THRB: variants seen among roughly 807,000 people sequenced by gnomAD.
The protein encoded by THRB is thyroid hormone receptor beta, also known as nuclear receptor subfamily 1 group A member 2.
In THRB, 12 loss-of-function variants were observed where a neutral mutation model predicts 47.8. That is an observed-to-expected ratio of 0.25 (90% CI 0.16 to 0.41). The LOEUF is 0.41. Among genes scored for constraint, THRB ranks in the 10% least tolerant of loss-of-function variants. The pLI, the probability that THRB is intolerant of heterozygous loss-of-function variation, is 1.00. For synonymous variants in THRB, 218 were observed against 212.2 expected, an observed-to-expected ratio of 1.03 and a Z score of -0.24; for missense variants, 348 against 589.2, an observed-to-expected ratio of 0.59 and a Z score of 4.24.
intron 1 of THRB, among the ~76,000 whole-genome samples, chr3:24,405,170 C>T (rs1451688954): frequency 1.3e-5 from 2 of 151,960 alleles, no homozygotes; most frequent in Non-Finnish European, 2.9e-5. Flanking sequence ...CATCCTGTTT[C>T]TCAACAAGCC....
chr3:24,288,647 C>A (rs1431812917), intron 3 of THRB, among the ~76,000 whole-genome samples: 1 of 152,178 alleles, frequency 6.6e-6, no homozygotes, highest in South Asian at 2.1e-4. Context: ...TATAAGCAAG[C>A]CTGTGATTGA....
chr3:24,240,497 T>A (rs142419990), intron 3 of THRB, among the ~76,000 whole-genome samples: 1 of 152,352 alleles, frequency 6.6e-6, no homozygotes, highest in African/African-American at 2.4e-5. Context: ...GGCTAGATAC[T>A]GAACACTTCA....
intron 4 of THRB, among the ~76,000 whole-genome samples, chr3:24,227,247 C>T (rs114429408): frequency 9.1e-4 from 139 of 152,300 alleles, no homozygotes; most frequent in African/African-American, 2.7e-3. Context: ...TGCAGCGTGG[C>T]TACCTGCTGT....
intron 6 of THRB, among the ~76,000 whole-genome samples, chr3:24,148,128 TA>T (rs1215035815): frequency 1.3e-5 from 2 of 152,120 alleles, no homozygotes; most frequent in South Asian, 2.1e-4. Flanking sequence ...TGTAAGAAAT[TA>T]AAAAAAATTT....
intron 5 of THRB, among the ~76,000 whole-genome samples, chr3:24,162,166 A>G (rs2038954827): frequency 6.6e-6 from 1 of 151,262 alleles, no homozygotes; most frequent in South Asian, 2.1e-4. Flanking sequence ...TCCACCCACA[A>G]AAGGATTTTT....
intron 3 of THRB, among the ~76,000 whole-genome samples, chr3:24,296,338 C>A (rs1476857673): frequency 2.0e-5 from 3 of 152,220 alleles, no homozygotes; most frequent in African/African-American, 7.2e-5. Flanking sequence ...GTTGATGTGG[C>A]TTCCTATTTT....
chr3:24,244,884 C>T (rs2049950670), intron 3 of THRB, among the ~76,000 whole-genome samples: 1 of 152,206 alleles, frequency 6.6e-6, no homozygotes, highest in African/African-American at 2.4e-5. Flanking sequence ...ACCATTCTCC[C>T]TCTTCTGGGA....
intron 2 of THRB, among the ~76,000 whole-genome samples, chr3:24,324,215 A>G (rs2058666530): frequency 6.6e-6 from 1 of 152,154 alleles, no homozygotes; most frequent in Non-Finnish European, 1.5e-5. Flanking sequence ...GGTCATAGAA[A>G]GAAGTCACTT....
At chr3:24,182,621 T>A (rs757945795) in intron 5 of THRB, among the ~76,000 whole-genome samples, 9 of 152,164 alleles carry the variant, frequency 5.9e-5, no homozygotes, top group Non-Finnish European at 1.0e-4. Context: ...GAAAAATAAC[T>A]CCCATCTATT....
At chr3:24,352,210 C>A (rs545545369) in intron 1 of THRB, among the ~76,000 whole-genome samples, 2 of 152,136 alleles carry the variant, frequency 1.3e-5, no homozygotes, top group Non-Finnish European at 2.9e-5. Context: ...CAAATTTAAC[C>A]TTAATAAAAC....
intron 1 of THRB, among the ~76,000 whole-genome samples, chr3:24,393,389 A>G (rs2066725121): frequency 6.6e-6 from 1 of 152,120 alleles, no homozygotes; most frequent in African/African-American, 2.4e-5. Flanking sequence ...TTCCAGTCAC[A>G]TAAATACTCC....
intron 3 of THRB, among the ~76,000 whole-genome samples, chr3:24,268,521 G>T (rs2052901707): frequency 6.6e-6 from 1 of 152,130 alleles, no homozygotes; most frequent in South Asian, 2.1e-4. Flanking sequence ...CTTGGGTGAA[G>T]AACATTTAAC....
At chr3:24,327,367 G>A (rs535848003) in intron 2 of THRB, among the ~76,000 whole-genome samples, 88 of 152,176 alleles carry the variant, frequency 5.8e-4, no homozygotes, top group Non-Finnish European at 1.0e-4. Context: ...AGAGTATTGG[G>A]AAATCCTAAT....
At chr3:24,207,248 A>G (rs2045484892) in intron 4 of THRB, among the ~76,000 whole-genome samples, 1 of 152,248 alleles carries the variant, frequency 6.6e-6, no homozygotes, top group Non-Finnish European at 1.5e-5. Context: ...AATCCTCAAT[A>G]AAATACGGGC....
At chr3:24,429,571 G>A (rs989393713) in intron 1 of THRB, among the ~76,000 whole-genome samples, 2 of 152,044 alleles carry the variant, frequency 1.3e-5, no homozygotes, top group African/African-American at 2.4e-5. Context: ...GGGTGAAGAC[G>A]AGAGAATTAT....
At chr3:24,482,512 G>A (rs79041870) in intron 1 of THRB, among the ~76,000 whole-genome samples, 33 of 136,658 alleles carry the variant, frequency 2.4e-4, no homozygotes, top group South Asian at 4.7e-4. Context: ...TCATTCATTC[G>A]TTCTTTCTTT....
intron 1 of THRB, chr3:24,458,173 TG>T (rs1452698187): frequency 6.6e-6 from 1 of 152,178 alleles, no homozygotes. Context: ...GCAGTCATTG[TG>T]GGCTGATAAT....
intron 3 of THRB, among the ~76,000 whole-genome samples, chr3:24,279,587 G>T (rs977930336): frequency 6.6e-6 from 1 of 151,272 alleles, no homozygotes; most frequent in Admixed American, 6.6e-5. Context: ...AGTAGAGACG[G>T]GGTTTCACTG....
chr3:24,476,081 A>C (rs1695412233), intron 1 of THRB, among the ~76,000 whole-genome samples: 1 of 152,170 alleles, frequency 6.6e-6, no homozygotes, highest in Non-Finnish European at 1.5e-5. Context: ...TTCAGAGACA[A>C]CTCATTGTCT....
Sources: allele counts gnomAD v4.1 joint callset (sites outside exome capture counted in the v4.1 genomes callset), GRCh38; gene constraint gnomAD v4.1.1; transcripts MANE v1.5; gene names NCBI Gene and HGNC (gene_info 2026-07-23, HGNC 2026-07-21).